The following ADAMTS17 variants were observed in gnomAD, a reference collection of about 807,000 sequenced individuals.
ADAMTS17 encodes A disintegrin and metalloproteinase with thrombospondin motifs 17.
ADAMTS17 carries 113 observed loss-of-function variants against 141.5 expected under a neutral mutation model. That is an observed-to-expected ratio of 0.80 (90% confidence interval 0.69 to 0.93). The LOEUF is 0.93. Ranked by LOEUF, ADAMTS17 falls within the 40% of genes least tolerant of loss-of-function variation. The pLI, the probability that ADAMTS17 is intolerant of heterozygous loss-of-function variation, is 0.00. For synonymous variants in ADAMTS17, 768 were observed against 630.6 expected (o/e 1.22, Z -3.27); for missense variants, 1,659 against 1,517.9 (o/e 1.09, Z -1.54).
At chr15:99,987,201 G>A (rs2060607132) in intron 20 of ADAMTS17, among the ~76,000 whole-genome samples, 1 of 152,180 alleles carries the variant, frequency 6.6e-6, no homozygotes, top group Non-Finnish European at 1.5e-5. Context: ...CAGCACCTTG[G>A]GGTGAAGTGA....
chr15:100,194,389 G>C (rs979443711), intron 8 of ADAMTS17, among the ~76,000 whole-genome samples: 10 of 152,162 alleles, frequency 6.6e-5, no homozygotes, highest in Non-Finnish European at 1.5e-4. Context: ...GAAACACAAG[G>C]CACTCAGCAG....
chr15:100,306,373 T>C (rs1252339241), intron 3 of ADAMTS17: 6 of 412,946 alleles, frequency 1.5e-5, no homozygotes, highest in South Asian at 8.9e-5. Flanking sequence ...AACTCTTGCA[T>C]TGGGAGCCCT....
chr15:100,102,694 C>T (rs2036190718), intron 14 of ADAMTS17, among the ~76,000 whole-genome samples: 1 of 152,126 alleles, frequency 6.6e-6, no homozygotes, highest in Non-Finnish European at 1.5e-5. Flanking sequence ...GGAAATTGAC[C>T]TCTAACCCCA....
At chr15:100,101,874 G>A (rs887520325) in intron 14 of ADAMTS17, among the ~76,000 whole-genome samples, 2 of 152,188 alleles carry the variant, frequency 1.3e-5, no homozygotes, top group Non-Finnish European at 2.9e-5. Flanking sequence ...GGAGGCCACC[G>A]ACTTCTTGAA....
rs541030198 is a variant in ADAMTS17 at position 100,090,032 on chromosome 15, G to GA, written c.2137+6323dup. On this transcript the variant is annotated intron_variant, in intron 15 of 21. Transcript: ENST00000268070. The stretch of plus-strand genomic sequence containing the variant: ...CAAAATAAAATTCAGAAATAAATTG[G>GA]AAAAAAAATTGTGTTTGCTCTAGGA... 3.3e-3 allele frequency among the ~76,000 whole-genome samples: 492 copies of GA among 149,556 alleles called. 2 individuals carry two copies. The highest frequency in any genetic ancestry group is 0.011 in the African/African-American group (441 of 40,784).
At chr15:100,195,763 G>A (rs1477380722) in intron 8 of ADAMTS17, among the ~76,000 whole-genome samples, 4 of 151,912 alleles carry the variant, frequency 2.6e-5, no homozygotes, top group Non-Finnish European at 5.9e-5. Flanking sequence ...CTATACACAT[G>A]GACATTTACT....
At chr15:100,316,184 C>T (rs1338992789) in intron 3 of ADAMTS17, among the ~76,000 whole-genome samples, 4 of 152,206 alleles carry the variant, frequency 2.6e-5, no homozygotes, top group Admixed American at 2.6e-4. Flanking sequence ...GAATCTGCCA[C>T]TGGCTGCCTC....
rs540845466 is a variant in ADAMTS17, at chr15:100,072,604, A to G, written c.2138-18550T>C. 1.6e-4 allele frequency among the ~76,000 whole-genome samples: 24 copies of G among 152,334 alleles called. No homozygotes were observed. The South Asian group carries it at 4.1e-3, about 26-fold the overall frequency. Reference sequence around the variant, plus strand: ...ACAGAGCCCTCAGAAATAATACTGCACATCTACAGCCATCTGATCTTTGAC... The same window carrying G: ...ACAGAGCCCTCAGAAATAATACTGCGCATCTACAGCCATCTGATCTTTGAC... On this transcript the variant is annotated intron_variant, in intron 15 of 21. Coordinates refer to ENST00000268070, the MANE Select transcript of ADAMTS17 (RefSeq NM_139057.4).
intron 8 of ADAMTS17, among the ~76,000 whole-genome samples, chr15:100,171,762 TCAC>T (rs1203108980): frequency 2.0e-5 from 3 of 152,102 alleles, no homozygotes; most frequent in East Asian, 1.9e-4. Flanking sequence ...GGCTCAGTGC[TCAC>T]CACATGGAAG....
chr15:100,080,871 G>A (rs373001464), intron 15 of ADAMTS17, among the ~76,000 whole-genome samples: 2 of 152,206 alleles, frequency 1.3e-5, no homozygotes. Context: ...GATAGCTGTA[G>A]TATGTTAGGG....
chr15:100,126,939 G>A (rs566224980), intron 12 of ADAMTS17, among the ~76,000 whole-genome samples: 23 of 152,320 alleles, frequency 1.5e-4, no homozygotes, highest in African/African-American at 4.8e-4. Context: ...CACGTGTAAC[G>A]TAAGGAAGAG....
At chr15:100,200,958 C>T (rs2041308520) in intron 7 of ADAMTS17, among the ~76,000 whole-genome samples, 1 of 152,222 alleles carries the variant, frequency 6.6e-6, no homozygotes, top group Non-Finnish European at 1.5e-5. Flanking sequence ...TCCAAGGGCT[C>T]CTTCCATGAA....
At chr15:100,117,906 G>C (rs2037240455) in intron 12 of ADAMTS17, among the ~76,000 whole-genome samples, 1 of 152,246 alleles carries the variant, frequency 6.6e-6, no homozygotes, top group Non-Finnish European at 1.5e-5. Flanking sequence ...TCTGCTCAAT[G>C]AATTTCCACA....
At chr15:100,293,219 C>A (rs780666737) in intron 3 of ADAMTS17, among the ~76,000 whole-genome samples, 2 of 152,094 alleles carry the variant, frequency 1.3e-5, no homozygotes. Context: ...GTGGGGGGAA[C>A]AGAACTCCAA....
At chr15:100,031,346 G>A (rs1463792375) in intron 18 of ADAMTS17, among the ~76,000 whole-genome samples, 1 of 152,210 alleles carries the variant, frequency 6.6e-6, no homozygotes, top group African/African-American at 2.4e-5. Context: ...TTTCAATAAA[G>A]GCTGCTGTAA....
At chr15:99,991,473 A>G (rs534369355) in intron 20 of ADAMTS17, among the ~76,000 whole-genome samples, 208 of 152,372 alleles carry the variant, frequency 1.4e-3, no homozygotes, top group African/African-American at 4.9e-3. Context: ...ACAATGAGAT[A>G]CCATCTCACG....
At chr15:100,174,122 G>C (rs772432081) in intron 8 of ADAMTS17, among the ~76,000 whole-genome samples, 2 of 152,194 alleles carry the variant, frequency 1.3e-5, no homozygotes, top group Non-Finnish European at 2.9e-5. Context: ...AAAGTCCAGG[G>C]AGAAGCCGAG....
At chr15:100,095,078 C>T (rs943206457) in intron 15 of ADAMTS17, among the ~76,000 whole-genome samples, 5 of 152,148 alleles carry the variant, frequency 3.3e-5, no homozygotes, top group Non-Finnish European at 7.3e-5. Context: ...CAGTTTGGAT[C>T]GTCTCCAGGG....
At chr15:100,112,808 C>T (rs2036869253) in intron 13 of ADAMTS17, among the ~76,000 whole-genome samples, 2 of 152,244 alleles carry the variant, frequency 1.3e-5, no homozygotes, top group African/African-American at 2.4e-5. Flanking sequence ...TTCTGCTTGG[C>T]TGGAGGTGGT....
Sources: gnomAD v4.1 joint callset for allele counts (sites outside exome capture counted in the v4.1 genomes callset) on GRCh38, gnomAD v4.1.1 for gene constraint, MANE v1.5 for transcripts, NCBI Gene and HGNC (gene_info 2026-07-23, HGNC 2026-07-21) for gene names.